TMEM150C: variants seen among roughly 807,000 people sequenced by gnomAD.
The protein encoded by TMEM150C is transmembrane protein 150C.
Under a neutral mutation model 29.9 loss-of-function variants are expected in TMEM150C, and 10 were observed. That is an observed-to-expected ratio of 0.33 (90% CI 0.21 to 0.57). The LOEUF is 0.57. TMEM150C is among the 20% of genes least tolerant of loss of function. TMEM150C has a pLI of 0.88. For missense variants in TMEM150C, 251 were observed against 303.6 expected, an observed-to-expected ratio of 0.83 and a Z score of 1.29; for synonymous variants, 101 against 112.5, an observed-to-expected ratio of 0.90 and a Z score of 0.64.
At chr4:82,499,719 C>CAAAAA (rs1197264258) in intron 5 of TMEM150C, among the ~76,000 whole-genome samples, 845 of 40,286 alleles carry the variant, frequency 0.021, 113 homozygotes, top group African/African-American at 0.081. Flanking sequence ...ACTCCGTCTC[C>CAAAAA]AAAAAAAAAA....
chr4:82,503,209 T>C lies in TMEM150C; in HGVS notation c.81-97A>G, dbSNP rs1329289965. The C allele has an allele frequency of 1.2e-5, 10 of 852,942 alleles. No homozygotes were observed. In the African/African-American group the frequency reaches 1.4e-4, roughly 12 times the overall value. The allele number at this position is 852,942 out of a possible 1,614,324, so 52.8% of individuals were successfully genotyped here. A position where few individuals can be genotyped will look rare whatever the true frequency, so the allele number is the denominator to read the frequency against. ...AACTAACTGCACTAATTCATATTCA[T>C]TTTTTCTAACTGAGAAATGCTCTTT... On this transcript the variant is annotated intron_variant, in intron 2 of 7. Transcript: ENST00000449862.
intron 1 of TMEM150C, among the ~76,000 whole-genome samples, chr4:82,533,624 A>C (rs898777025): frequency 1.3e-5 from 2 of 152,224 alleles, no homozygotes; most frequent in African/African-American, 2.4e-5. Context: ...TTGGTACTGC[A>C]GAAAGATCTC....
intron 1 of TMEM150C, among the ~76,000 whole-genome samples, chr4:82,518,269 TC>T (rs1441660906): frequency 6.7e-6 from 1 of 150,250 alleles, no homozygotes; most frequent in Non-Finnish European, 1.5e-5. Flanking sequence ...TGAGCCGAGA[TC>T]AAGCAACTCC....
chr4:82,488,293 G>A (rs1454173411), intron 7 of TMEM150C, among the ~76,000 whole-genome samples: 1 of 152,212 alleles, frequency 6.6e-6, no homozygotes, highest in Non-Finnish European at 1.5e-5. Context: ...TTTCTCTAAG[G>A]TGGGGTCTGA....
Position 82,484,393 on chromosome 4 carries a change from T to C in TMEM150C, c.*1118A>G, listed in dbSNP as rs181291556. ...TTAATTGGCTTCTACAAATTCCAAA[T>C]TTGAAAAGCCCTTAATCCAAAAAAA... On this transcript the variant is annotated 3_prime_UTR_variant, in exon 8 of 8. Coordinates refer to ENST00000449862, the MANE Select transcript of TMEM150C (RefSeq NM_001080506.3). 10 of 145,922 alleles carry C rather than the reference T, an allele frequency of 6.9e-5. No individual in the cohort carries two copies. Among genetic ancestry groups the C allele is most frequent in the African/African-American group, 2.3e-4 (9 of 38,748 alleles). The allele number at this position is 145,922 out of a possible 1,614,324, so 9.0% of individuals were successfully genotyped here.
At chr4:82,489,338 C>T (rs1723259758) in intron 7 of TMEM150C, among the ~76,000 whole-genome samples, 1 of 152,056 alleles carries the variant, frequency 6.6e-6, no homozygotes, top group Admixed American at 6.5e-5. Flanking sequence ...GTGAGGTGCT[C>T]TCCTCTGCCT....
intron 1 of TMEM150C, among the ~76,000 whole-genome samples, chr4:82,513,244 C>T (rs1325249543): frequency 1.3e-5 from 2 of 152,136 alleles, no homozygotes; most frequent in Admixed American, 6.5e-5. Context: ...GAGGAAGGAA[C>T]AAACAGCAAT....
chr4:82,514,942 T>A (rs1724245218), intron 1 of TMEM150C, among the ~76,000 whole-genome samples: 1 of 152,218 alleles, frequency 6.6e-6, no homozygotes, highest in African/African-American at 2.4e-5. Flanking sequence ...TTATTGTTGT[T>A]ATAGCAGCTG....
chr4:82,495,235 G>A, intron 6 of TMEM150C: 1 of 279,732 alleles, frequency 3.6e-6, no homozygotes. Context: ...GAGGTCAGGA[G>A]ATCAAGACCA....
At chr4:82,533,829 A>G (rs1560494779) in intron 1 of TMEM150C, among the ~76,000 whole-genome samples, 1 of 152,238 alleles carries the variant, frequency 6.6e-6, no homozygotes, top group Admixed American at 6.5e-5. Context: ...TTATCCGCAC[A>G]ATGAAAGAAT....
intron 1 of TMEM150C, among the ~76,000 whole-genome samples, chr4:82,551,854 G>C (rs991300296): frequency 6.6e-6 from 1 of 152,144 alleles, no homozygotes; most frequent in African/African-American, 2.4e-5. Flanking sequence ...AGGCACTCTG[G>C]TATAGTTTGG....
rs1214678177 is a variant in TMEM150C at position 82,560,863 on chromosome 4, G to GT, written c.-11+1042dup. On this transcript the variant is annotated intron_variant, in intron 1 of 7. Transcript: ENST00000449862. ...TTAGATCCAATAACTGTTTGGTTTT[G>GT]TTTTTCAACATGGCATTGGTATATC... is the stretch of plus-strand genomic sequence containing the variant. 2.6e-5 allele frequency among the ~76,000 whole-genome samples: 4 copies of GT among 152,166 alleles called. 1 individual carries two copies. Among genetic ancestry groups the GT allele is most frequent in the Admixed American group, 1.3e-4 (2 of 15,280 alleles).
intron 1 of TMEM150C, among the ~76,000 whole-genome samples, chr4:82,553,179 G>C (rs1214192680): frequency 6.6e-6 from 1 of 152,200 alleles, no homozygotes; most frequent in Non-Finnish European, 1.5e-5. Flanking sequence ...GGGTATGGCT[G>C]TGTACCAATT....
At chr4:82,557,871 G>C (rs1488180971) in intron 1 of TMEM150C, among the ~76,000 whole-genome samples, 1 of 151,758 alleles carries the variant, frequency 6.6e-6, no homozygotes, top group African/African-American at 2.4e-5. Context: ...TGGGATTACA[G>C]GTACCTGCCA....
At chr4:82,560,073 G>A (rs1725871469) in intron 1 of TMEM150C, among the ~76,000 whole-genome samples, 2 of 152,084 alleles carry the variant, frequency 1.3e-5, no homozygotes, top group Admixed American at 1.3e-4. Flanking sequence ...CATGATTGTG[G>A]TAGTTCTACA....
chr4:82,488,972 C>A (rs1169991429), intron 7 of TMEM150C, among the ~76,000 whole-genome samples: 1 of 151,786 alleles, frequency 6.6e-6, no homozygotes, highest in Non-Finnish European at 1.5e-5. Flanking sequence ...CTCGCTGCAG[C>A]CTTAAACTCC....
chr4:82,489,916 G>T, intron 7 of TMEM150C, 145 bp downstream of exon 7: 1 of 739,800 alleles, frequency 1.4e-6, no homozygotes, highest in East Asian at 2.7e-5. Context: ...TGGTCTGAGG[G>T]TTTTTGTTTT....
At chr4:82,511,472 A>ATCTTTTTT (rs1724122435) in intron 1 of TMEM150C, among the ~76,000 whole-genome samples, 1 of 106,390 alleles carries the variant, frequency 9.4e-6, no homozygotes, top group Non-Finnish European at 1.8e-5. Flanking sequence ...TCCCAACACT[A>ATCTTTTTT]TTTTTTTTTT....
intron 1 of TMEM150C, among the ~76,000 whole-genome samples, chr4:82,548,602 A>G (rs1341642316): frequency 6.6e-6 from 1 of 152,138 alleles, no homozygotes; most frequent in Non-Finnish European, 1.5e-5. Context: ...GCTCTGTGCT[A>G]GATGGAGTGA....
Sources: gnomAD v4.1 joint callset for allele counts (sites outside exome capture counted in the v4.1 genomes callset) on GRCh38, gnomAD v4.1.1 for gene constraint, MANE v1.5 for transcripts, NCBI Gene and HGNC (gene_info 2026-07-23, HGNC 2026-07-21) for gene names.